Variants in PDE1A observed in about 807,000 individuals in gnomAD.
The protein encoded by PDE1A is phosphodiesterase 1A, also known as dual specificity calcium/calmodulin-dependent 3',5'-cyclic nucleotide phosphodiesterase 1A.
A neutral mutation model predicts 61.7 loss-of-function variants in PDE1A; 35 were observed. That is an observed-to-expected ratio of 0.57 (90% confidence interval 0.43 to 0.75). PDE1A has a LOEUF of 0.75. Among genes scored for constraint, PDE1A ranks in the 30% least tolerant of loss-of-function variants. PDE1A has a pLI of 0.00. For synonymous variants in PDE1A, 232 were observed against 213.2 expected, an observed-to-expected ratio of 1.09 and a Z score of -0.77; for missense variants, 597 against 630.6, an observed-to-expected ratio of 0.95 and a Z score of 0.57.
chr2:182,421,866 T>C (rs1703297275), intron 1 of PDE1A, among the ~76,000 whole-genome samples: 1 of 152,196 alleles, frequency 6.6e-6, no homozygotes, highest in African/African-American at 2.4e-5. Context: ...CCATACCCAT[T>C]AGGTCCACAA....
At position 182,189,901 on chromosome 2, in the gene PDE1A, C is replaced by T. The variant is rs969416274; in HGVS notation, c.1126-841G>A. ...GTTCTTGTTCATTTCAATTTCCTGG[C>T]CATTTGAAAGAACATTTTAGGTTCT... On this transcript the variant is annotated intron_variant, in intron 10 of 13. Transcript: ENST00000351439. Among the ~76,000 whole-genome samples the T allele has an allele frequency of 4.6e-5, 7 of 152,236 alleles. No individual in the cohort carries two copies. In the East Asian group the frequency reaches 1.3e-3, roughly 29 times the overall value.
At chr2:182,320,952 T>A (rs898716665) in intron 1 of PDE1A, among the ~76,000 whole-genome samples, 17 of 152,206 alleles carry the variant, frequency 1.1e-4, no homozygotes, top group Admixed American at 7.2e-4. Flanking sequence ...CTAGTAGGTA[T>A]ACAATATGTA....
chr2:182,304,458 G>A (rs1695451120), intron 1 of PDE1A, among the ~76,000 whole-genome samples: 2 of 152,108 alleles, frequency 1.3e-5, no homozygotes. Flanking sequence ...CTTTTCCTTT[G>A]CATTCACAAC....
chr2:182,232,384 AT>A (rs1402332343), intron 4 of PDE1A, among the ~76,000 whole-genome samples: 3 of 152,184 alleles, frequency 2.0e-5, no homozygotes, highest in Non-Finnish European at 4.4e-5. Flanking sequence ...CTATGCGTTA[AT>A]TTTCTATTTG....
intron 2 of PDE1A, among the ~76,000 whole-genome samples, chr2:182,499,321 C>A (rs1269004219): frequency 1.3e-5 from 2 of 151,940 alleles, no homozygotes; most frequent in African/African-American, 4.8e-5. Flanking sequence ...GGACTACAGG[C>A]GCCCGCAACT....
intron 13 of PDE1A, among the ~76,000 whole-genome samples, chr2:182,147,884 A>G (rs977294185): frequency 1.1e-4 from 17 of 152,250 alleles, no homozygotes; most frequent in Admixed American, 1.1e-3. Context: ...GAGTAAAGAT[A>G]TTCTAACAAT....
At chr2:182,160,497 T>C (rs1691319893) in intron 13 of PDE1A, among the ~76,000 whole-genome samples, 1 of 152,136 alleles carries the variant, frequency 6.6e-6, no homozygotes, top group Non-Finnish European at 1.5e-5. Flanking sequence ...TCTTCCTGAG[T>C]AGACACCTTT....
the PDE1A span, among the ~76,000 whole-genome samples, chr2:182,673,223 T>C: frequency 0.012 from 1,871 of 152,334 alleles, 15 homozygotes; most frequent in South Asian, 0.021. Flanking sequence ...TTGTTTCAGA[T>C]TGATGACTTT....
chr2:182,448,112 A>G (rs1280673877), intron 2 of PDE1A, among the ~76,000 whole-genome samples: 1 of 152,142 alleles, frequency 6.6e-6, no homozygotes, highest in African/African-American at 2.4e-5. Flanking sequence ...GGATAGGCTC[A>G]GTGAAACTTC....
chr2:182,219,476 A>G (rs1036898902), intron 7 of PDE1A, among the ~76,000 whole-genome samples: 1 of 152,052 alleles, frequency 6.6e-6, no homozygotes. Flanking sequence ...ACTATGTTCA[A>G]TCTCTTAAAA....
intron 2 of PDE1A, among the ~76,000 whole-genome samples, chr2:182,509,425 A>G (rs1353958374): frequency 6.6e-6 from 1 of 152,202 alleles, no homozygotes; most frequent in Non-Finnish European, 1.5e-5. Flanking sequence ...AGGACTGTGG[A>G]AAAAATCAAA....
At chr2:182,561,110 T>C in the PDE1A span, among the ~76,000 whole-genome samples, 2 of 146,982 alleles carry the variant, frequency 1.4e-5, no homozygotes, top group African/African-American at 5.0e-5. Context: ...CTTTTGGTGT[T>C]TTAGACATGA....
the PDE1A span, among the ~76,000 whole-genome samples, chr2:182,673,443 G>A: frequency 6.6e-6 from 1 of 152,030 alleles, no homozygotes; most frequent in African/African-American, 2.4e-5. Flanking sequence ...TTTTACTGGT[G>A]TCTTCCTTTT....
the PDE1A span, among the ~76,000 whole-genome samples, chr2:182,556,374 G>C: frequency 6.6e-6 from 1 of 152,168 alleles, no homozygotes; most frequent in African/African-American, 2.4e-5. Context: ...TGACTTTTCA[G>C]CTTACTTGTA....
intron 10 of PDE1A, among the ~76,000 whole-genome samples, chr2:182,195,694 A>G (rs1412158576): frequency 6.6e-6 from 1 of 152,074 alleles, no homozygotes; most frequent in Non-Finnish European, 1.5e-5. Context: ...GAAGACATAT[A>G]TTTGCAAATT....
the PDE1A span, among the ~76,000 whole-genome samples, chr2:182,708,179 C>A: frequency 6.6e-6 from 1 of 152,106 alleles, no homozygotes; most frequent in South Asian, 2.1e-4. Context: ...TAGGACTAGG[C>A]TCCCCAGATT....
intron 1 of PDE1A, among the ~76,000 whole-genome samples, chr2:182,330,213 G>A (rs538399997): frequency 1.1e-4 from 16 of 151,938 alleles, no homozygotes; most frequent in East Asian, 9.8e-4. Flanking sequence ...GCATGGTGGC[G>A]CGAGCCTGTA....
intron 1 of PDE1A, among the ~76,000 whole-genome samples, chr2:182,373,393 C>T (rs2125258519): frequency 6.6e-6 from 1 of 152,270 alleles, no homozygotes; most frequent in Middle Eastern, 3.4e-3. Flanking sequence ...GTGTAAATTA[C>T]TTCTTCGACA....
At chr2:182,614,450 C>T in the PDE1A span, among the ~76,000 whole-genome samples, 6 of 151,382 alleles carry the variant, frequency 4.0e-5, no homozygotes, top group African/African-American at 1.5e-4. Flanking sequence ...TTTCAAGTGA[C>T]TTAGCTTTTC....
Sources: gnomAD v4.1 joint callset for allele counts (sites outside exome capture counted in the v4.1 genomes callset) on GRCh38, gnomAD v4.1.1 for gene constraint, MANE v1.5 for transcripts, NCBI Gene and HGNC (gene_info 2026-07-23, HGNC 2026-07-21) for gene names.